Variants in TMCO4 observed in about 807,000 individuals in gnomAD.
TMCO4 encodes transmembrane and coiled-coil domains 4, also known as transmembrane and coiled-coil domain-containing protein 4.
A neutral mutation model predicts 64.7 loss-of-function variants in TMCO4; 58 were observed. That is an observed-to-expected ratio of 0.90 (90% confidence interval 0.73 to 1.12). The LOEUF is 1.12. Among genes scored for constraint, TMCO4 ranks in the 50% most tolerant of loss-of-function variants. The pLI is 0.00. For synonymous variants in TMCO4, 325 were observed against 346.1 expected (o/e 0.94, Z 0.68); for missense variants, 780 against 825.9 (o/e 0.94, Z 0.68).
intron 2 of TMCO4, among the ~76,000 whole-genome samples, chr1:19,788,125 T>C (rs2043837173): frequency 6.6e-6 from 1 of 152,220 alleles, no homozygotes; most frequent in Non-Finnish European, 1.5e-5. Context: ...GGGGTTTTTA[T>C]TAAGTTATCA....
chr1:19,748,730 C>A (rs1460334904), intron 7 of TMCO4, among the ~76,000 whole-genome samples: 3 of 152,144 alleles, frequency 2.0e-5, no homozygotes, highest in Non-Finnish European at 4.4e-5. Flanking sequence ...GAGGCTGAGG[C>A]AGGAGAATTA....
chr1:19,771,947 C>T (rs893866681), intron 4 of TMCO4, among the ~76,000 whole-genome samples: 5 of 152,100 alleles, frequency 3.3e-5, no homozygotes, highest in African/African-American at 4.8e-5. Flanking sequence ...CGTGAGACAC[C>T]GTGCCCAGCC....
chr1:19,742,713 C>T (rs944136621), intron 10 of TMCO4, among the ~76,000 whole-genome samples: 2 of 152,300 alleles, frequency 1.3e-5, no homozygotes. Flanking sequence ...GCCCTTCTGA[C>T]CCTTGGTTTC....
At chr1:19,701,592 A>G (rs931897914) in intron 13 of TMCO4, among the ~76,000 whole-genome samples, 1 of 152,054 alleles carries the variant, frequency 6.6e-6, no homozygotes, top group Admixed American at 6.6e-5. Flanking sequence ...CAAAGCTCAC[A>G]CCAGCCGTGG....
chr1:19,787,519 G>A (rs1451578114), intron 2 of TMCO4, among the ~76,000 whole-genome samples: 1 of 152,170 alleles, frequency 6.6e-6, no homozygotes, highest in Non-Finnish European at 1.5e-5. Context: ...CATGAACCGA[G>A]GAATGAACTA....
In TMCO4 at chr1:19,743,678, C is replaced by T. The variant is rs886181080; in HGVS notation, c.877+1854G>A. ...GAAGAAAGGAGTTTGCTTTCCATGC[C>T]GGCCAGACTTGCAAATTCCTTTACC... On this transcript the variant is annotated intron_variant, in intron 10 of 15. Coordinates refer to ENST00000294543, the MANE Select transcript of TMCO4 (RefSeq NM_181719.7). This position sits in a 1 kb window ranked among gnomAD's most constrained non-coding sequence, Gnocchi z 4.1. 1.3e-5 allele frequency among the ~76,000 whole-genome samples: 2 copies of T among 152,276 alleles called. No individual in the cohort carries two copies. The highest frequency in any genetic ancestry group is 4.8e-5 in the African/African-American group (2 of 41,560).
intron 4 of TMCO4, 99 bp from the exon 5 acceptor site, chr1:19,771,581 C>A (rs887012488): frequency 8.2e-6 from 10 of 1,215,616 alleles, no homozygotes; most frequent in Non-Finnish European, 1.1e-5. Context: ...ACAGCTGGCA[C>A]GTGCCTGACT....
chr1:19,737,691 G>A (rs1446903416), intron 12 of TMCO4, among the ~76,000 whole-genome samples: 1 of 152,254 alleles, frequency 6.6e-6, no homozygotes, highest in Non-Finnish European at 1.5e-5. Flanking sequence ...CCAACAGGCA[G>A]CCCCCGGCTG....
chr1:19,782,180 GAT>G (rs144019179), intron 3 of TMCO4, among the ~76,000 whole-genome samples: 375 of 152,306 alleles, frequency 2.5e-3, no homozygotes, highest in Admixed American at 5.3e-3. Context: ...CAGTAGAATG[GAT>G]AAATGGTCAT....
At chr1:19,794,727 G>A (rs1011541305) in intron 2 of TMCO4, among the ~76,000 whole-genome samples, 5 of 152,178 alleles carry the variant, frequency 3.3e-5, no homozygotes, top group African/African-American at 9.7e-5. Context: ...CACCATAGCC[G>A]AGAGTTGGAA....
At chr1:19,749,736 C>T (rs755252679) in intron 7 of TMCO4, among the ~76,000 whole-genome samples, 28 of 152,248 alleles carry the variant, frequency 1.8e-4, no homozygotes, top group Middle Eastern at 3.4e-3. Flanking sequence ...CCAAAACCAG[C>T]GATAATCTAG....
chr1:19,740,743 AT>A, intron 11 of TMCO4, 33 bp downstream of exon 11: 1 of 1,587,598 alleles, frequency 6.3e-7, no homozygotes, highest in African/African-American at 1.3e-5. Flanking sequence ...GGCAGTGGGC[AT>A]GCTGTTGTTG....
chr1:19,776,417 G>A lies in TMCO4; in HGVS notation c.179+4163C>T, dbSNP rs116068984. Among the ~76,000 whole-genome samples the A allele has an allele frequency of 3.4e-3, 514 of 152,300 alleles. 1 individual carries two copies. The highest frequency in any genetic ancestry group is 0.014 in the Middle Eastern group (4 of 294). On this transcript the variant is annotated intron_variant, in intron 4 of 15. Coordinates refer to ENST00000294543, the MANE Select transcript of TMCO4 (RefSeq NM_181719.7). Reference sequence around the variant, plus strand: ...ACAGGACAGTAACTCGCTGCCTTATGTGCCCTCCTAAGTAGCGCCTAGTAT... The same window carrying A: ...ACAGGACAGTAACTCGCTGCCTTATATGCCCTCCTAAGTAGCGCCTAGTAT...
chr1:19,745,663 G>T lies in TMCO4; in HGVS notation c.758-12C>A. ...CTTCATCTTGTATCCTAAAGACCCA[G>T]ATCCGAGAAAGAGAATGGAGGTGAC... On this transcript the variant is annotated splice_polypyrimidine_tract_variant and intron_variant, in intron 9 of 15. Transcript: ENST00000294543. The T allele has an allele frequency of 1.3e-6, 2 of 1,598,960 alleles. No individual in the cohort carries two copies. The highest frequency in any genetic ancestry group is 1.3e-5 in the African/African-American group (1 of 74,808).
chr1:19,712,688 C>T (rs996978659), intron 13 of TMCO4, among the ~76,000 whole-genome samples: 21 of 151,428 alleles, frequency 1.4e-4, no homozygotes, highest in African/African-American at 4.9e-4. Context: ...GTCACAGAGG[C>T]TTAAGGTGAG....
chr1:19,708,985 C>T (rs2095316274), intron 13 of TMCO4, among the ~76,000 whole-genome samples: 1 of 152,060 alleles, frequency 6.6e-6, no homozygotes, highest in South Asian at 2.1e-4. Flanking sequence ...CTATGAACTG[C>T]ACTAACACAA....
chr1:19,795,449 G>C (rs901440966), intron 2 of TMCO4, among the ~76,000 whole-genome samples: 9 of 152,096 alleles, frequency 5.9e-5, no homozygotes, highest in African/African-American at 2.2e-4. Flanking sequence ...TCCAGCCTGG[G>C]TGACAAGAGC....
intron 14 of TMCO4, among the ~76,000 whole-genome samples, chr1:19,698,654 A>G (rs903633149): frequency 1.3e-5 from 2 of 151,940 alleles, no homozygotes; most frequent in African/African-American, 4.8e-5. Context: ...CTGATGCTTA[A>G]TTTAACCAAA....
At chr1:19,738,963 A>ATGGCAGGGATG (rs2095467658) in intron 12 of TMCO4, among the ~76,000 whole-genome samples, 1 of 152,186 alleles carries the variant, frequency 6.6e-6, no homozygotes. Flanking sequence ...TGCTCCCTGG[A>ATGGCAGGGATG]GCTCGGATGA....
Sources: allele counts gnomAD v4.1 joint callset (sites outside exome capture counted in the v4.1 genomes callset), GRCh38; gene constraint gnomAD v4.1.1; non-coding constraint Gnocchi (gnomAD v3.1); transcripts MANE v1.5; gene names NCBI Gene and HGNC (gene_info 2026-07-23, HGNC 2026-07-21).